The following GABRB1 variants were observed in gnomAD, a reference collection of about 807,000 sequenced individuals.
GABRB1 encodes the protein gamma-aminobutyric acid receptor subunit beta-1.
GABRB1 carries 17 observed loss-of-function variants against 51.6 expected under a neutral mutation model. The ratio of observed to expected loss-of-function variants is 0.33; its 90% CI spans 0.23 to 0.49. The LOEUF (loss-of-function observed/expected upper bound fraction) is 0.49, where lower values mean the gene tolerates loss of function less well. Among genes scored for constraint, GABRB1 ranks in the 20% least tolerant of loss-of-function variants. The probability of loss-of-function intolerance (pLI) is 0.99; values close to 1 mark genes in which losing one functional copy is unlikely to be tolerated. For synonymous variants in GABRB1, 247 were observed against 218.9 expected (o/e 1.13, Z -1.14); for missense variants, 410 against 600.6 (o/e 0.68, Z 3.32).
intron 4 of GABRB1, among the ~76,000 whole-genome samples, chr4:47,204,896 C>A (rs1302683684): frequency 6.6e-6 from 1 of 152,134 alleles, no homozygotes; most frequent in Admixed American, 6.6e-5. Context: ...TAATAAAATA[C>A]CCATCAAGAA....
At chr4:47,123,356 A>G (rs780399878) in intron 3 of GABRB1, among the ~76,000 whole-genome samples, 4 of 127,120 alleles carry the variant, frequency 3.1e-5, no homozygotes, top group African/African-American at 8.9e-5. Flanking sequence ...TATATTAGAT[A>G]ATATATTATA....
At chr4:47,186,894 G>T (rs1719204184) in intron 4 of GABRB1, among the ~76,000 whole-genome samples, 1 of 151,896 alleles carries the variant, frequency 6.6e-6, no homozygotes. Context: ...CTTACTATAT[G>T]GCACACACTG....
At chr4:47,302,835 T>C (rs1724312520) in intron 4 of GABRB1, among the ~76,000 whole-genome samples, 1 of 151,994 alleles carries the variant, frequency 6.6e-6, no homozygotes, top group South Asian at 2.1e-4. Flanking sequence ...AACATTCAGG[T>C]TCCAATTTCA....
chr4:46,996,245 C>A (rs1171308032), intron 1 of GABRB1, among the ~76,000 whole-genome samples: 1 of 152,112 alleles, frequency 6.6e-6, no homozygotes, highest in East Asian at 1.9e-4. Flanking sequence ...GTGTTAAAAT[C>A]ATACCTATAC....
chr4:47,120,429 A>C (rs74377155), intron 3 of GABRB1, among the ~76,000 whole-genome samples: 4,931 of 152,248 alleles, frequency 0.032, 377 homozygotes, highest in East Asian at 0.17. Context: ...AAGGTCTGGA[A>C]CTGGGGACTC....
chr4:47,001,439 G>C (rs1724215103), intron 1 of GABRB1, among the ~76,000 whole-genome samples: 1 of 152,176 alleles, frequency 6.6e-6, no homozygotes, highest in Non-Finnish European at 1.5e-5. Context: ...ACCATGCCCG[G>C]CCAGATATTA....
At chr4:47,135,907 T>C (rs1451612731) in intron 3 of GABRB1, among the ~76,000 whole-genome samples, 1 of 152,164 alleles carries the variant, frequency 6.6e-6, no homozygotes, top group African/African-American at 2.4e-5. Context: ...AGATGCTTTG[T>C]CTGTAATAGC....
intron 3 of GABRB1, among the ~76,000 whole-genome samples, chr4:47,123,808 ATATTATATATTATATTATAT>A (rs1715965650): frequency 1.1e-5 from 1 of 94,462 alleles, no homozygotes; most frequent in Non-Finnish European, 1.9e-5. Flanking sequence ...TATATATCAT[ATATTATATATTATATTATAT>A]TATATATTAT....
At chr4:47,123,076 C>A (rs976846862) in intron 3 of GABRB1, among the ~76,000 whole-genome samples, 2 of 151,972 alleles carry the variant, frequency 1.3e-5, no homozygotes, top group African/African-American at 4.8e-5. Flanking sequence ...ATGTACAACT[C>A]ATTTTCTCTT....
chr4:47,161,092 C>T (rs779650374), intron 3 of GABRB1, among the ~76,000 whole-genome samples, 157 bp from the exon 4 acceptor site: 5 of 151,934 alleles, frequency 3.3e-5, no homozygotes, highest in Non-Finnish European at 7.4e-5. Context: ...AGTGCCAGGC[C>T]CCTAGTACTT....
intron 5 of GABRB1, among the ~76,000 whole-genome samples, chr4:47,353,604 G>T (rs933897112): frequency 6.6e-6 from 1 of 152,088 alleles, no homozygotes; most frequent in African/African-American, 2.4e-5. Context: ...AGTAAAATGG[G>T]AATGAATACC....
chr4:47,376,077 G>A (rs1239355283), intron 5 of GABRB1, among the ~76,000 whole-genome samples: 1 of 152,130 alleles, frequency 6.6e-6, no homozygotes, highest in Non-Finnish European at 1.5e-5. Context: ...CCAAAACTTA[G>A]GAATCATCCT....
rs1030157639 is a variant in GABRB1 at position 47,272,855 on chromosome 4, C to T, written c.462-47272C>T. 2.0e-5 allele frequency among the ~76,000 whole-genome samples: 3 copies of T among 152,194 alleles called. No individual in the cohort carries two copies. The South Asian group carries it at 6.2e-4, about 32-fold the overall frequency. On this transcript the variant is annotated intron_variant, in intron 4 of 8. Transcript: ENST00000295454. ...TATCTCTGTATACATTTTATTCCTGCTTTCTGACGAAACCTGAGTTTAACT... is the reference window on the plus strand; with the variant it reads ...TATCTCTGTATACATTTTATTCCTGTTTTCTGACGAAACCTGAGTTTAACT...
At chr4:47,410,717 T>C (rs1410098903) in intron 8 of GABRB1, among the ~76,000 whole-genome samples, 2 of 152,158 alleles carry the variant, frequency 1.3e-5, no homozygotes, top group South Asian at 2.1e-4. Flanking sequence ...GAAAGAAAAA[T>C]GAACAGAGAT....
intron 3 of GABRB1, among the ~76,000 whole-genome samples, chr4:47,041,768 G>C (rs1405530172): frequency 6.6e-6 from 1 of 152,002 alleles, no homozygotes; most frequent in Non-Finnish European, 1.5e-5. Flanking sequence ...TGTCTCCATG[G>C]AGACAGTTCA....
chr4:47,246,561 G>A (rs1416111211), intron 4 of GABRB1, among the ~76,000 whole-genome samples: 2 of 150,302 alleles, frequency 1.3e-5, no homozygotes, highest in East Asian at 2.0e-4. Flanking sequence ...GAACTACTGG[G>A]TCAAATGGTA....
At position 47,336,633 on chromosome 4, in the gene GABRB1, TA is replaced by T. The variant is rs368446655; in HGVS notation, c.544+16434del. On this transcript the variant is annotated intron_variant, in intron 5 of 8. Transcript: ENST00000295454. ...GAGAAGGGTATGCTTGAAATCAAGG[TA>T]AAAAAAAAATGTTCTAGAAAAAGAA... Among the ~76,000 whole-genome samples, 795 of 148,772 alleles carry T rather than the reference TA, an allele frequency of 5.3e-3. 4 individuals carry two copies. Among genetic ancestry groups the T allele is most frequent in the African/African-American group, 0.018 (720 of 40,592 alleles).
chr4:47,402,940 A>G lies in GABRB1; in HGVS notation c.545-378A>G, dbSNP rs546999717. ...TTTAACAAATATGTGCTCAATTATT[A>G]TTACTTGTTGTGCTATTGTTGTTGT... On this transcript the variant is annotated intron_variant, in intron 5 of 8. Coordinates refer to ENST00000295454, the MANE Select transcript of GABRB1 (RefSeq NM_000812.4). Among the ~76,000 whole-genome samples the G allele has an allele frequency of 2.6e-5, 4 of 152,284 alleles. No individual in the cohort carries two copies. The South Asian group carries it at 8.3e-4, about 32-fold the overall frequency.
intron 4 of GABRB1, among the ~76,000 whole-genome samples, chr4:47,233,424 A>C (rs1388993626): frequency 6.6e-6 from 1 of 152,166 alleles, no homozygotes; most frequent in African/African-American, 2.4e-5. Context: ...ATCCTTTGCC[A>C]CTGCTTGCCA....
Sources: allele counts gnomAD v4.1 joint callset (sites outside exome capture counted in the v4.1 genomes callset), GRCh38; gene constraint gnomAD v4.1.1; transcripts MANE v1.5; gene names NCBI Gene and HGNC (gene_info 2026-07-23, HGNC 2026-07-21).